GFPT2: variants seen among roughly 807,000 people sequenced by gnomAD.
The protein encoded by GFPT2 is glutamine--fructose-6-phosphate transaminase 2.
GFPT2 carries 62 observed loss-of-function variants against 85.6 expected under a neutral mutation model. The ratio of observed to expected loss-of-function variants is 0.72; its 90% CI spans 0.59 to 0.90. The LOEUF is 0.90. Ranked by LOEUF, GFPT2 falls within the 40% of genes least tolerant of loss-of-function variation. GFPT2 has a pLI of 0.00. For synonymous variants in GFPT2, 368 were observed against 344.5 expected (o/e 1.07, Z -0.75); for missense variants, 788 against 893.4 (o/e 0.88, Z 1.50).
intron 9 of GFPT2, among the ~76,000 whole-genome samples, chr5:180,321,863 A>T (rs1764129079): frequency 6.6e-6 from 1 of 152,168 alleles, no homozygotes; most frequent in Admixed American, 6.5e-5. Flanking sequence ...GGCTCACTGC[A>T]AGCTCCGCCT....
intron 1 of GFPT2, among the ~76,000 whole-genome samples, chr5:180,339,599 T>G (rs1764471154): frequency 6.6e-6 from 1 of 152,210 alleles, no homozygotes; most frequent in Non-Finnish European, 1.5e-5. Context: ...ACTCCTTGTT[T>G]GTGATGACAG....
chr5:180,331,791 C>T (rs1164862640), intron 4 of GFPT2: 2 of 528,864 alleles, frequency 3.8e-6, no homozygotes, highest in Non-Finnish European at 6.8e-6. Flanking sequence ...GGAGGAAATA[C>T]ACATCCCTCT....
Position 180,316,823 on chromosome 5 carries a change from G to A in GFPT2, c.1093C>T (p.Arg365Ter), listed in dbSNP as rs376764676. The A allele has an allele frequency of 6.2e-7, 1 of 1,613,976 alleles. No individual in the cohort carries two copies. The highest frequency in any genetic ancestry group is 8.5e-7 in the Non-Finnish European group (1 of 1,179,900). The change falls in exon 12 of 19, where the codon CGA (arginine) becomes TGA (stop). Residue 365 changes from arginine (R) to a stop codon, truncating the protein, a stop_gained. Coordinates refer to ENST00000253778, the MANE Select transcript of GFPT2 (RefSeq NM_005110.4). LOFTEE classifies it high-confidence loss of function. ...ATCACGATGAGCCGTCGGCATCGTC[G>A]AATCTCCTTCAAGTGGTCCTTCAAG... ...GGLKDHLKEI[R>*]RCRRLIVIGC...
chr5:180,304,978 A>T lies in GFPT2; in HGVS notation c.1675-39T>A. On this transcript the variant is annotated intron_variant, in intron 16 of 18. Coordinates refer to ENST00000253778, the MANE Select transcript of GFPT2 (RefSeq NM_005110.4). ...GTGAGATCAGAGTCACACTGGGCAG[A>T]TGGGGCTGGAGCAGATCAGCCAGAG... 7 of 1,456,202 alleles carry T rather than the reference A, an allele frequency of 4.8e-6. No homozygotes were observed. In the South Asian group the frequency reaches 8.1e-5, roughly 17 times the overall value. 90.2% of individuals were successfully genotyped at this position (1,456,202 alleles called of 1,614,324 possible).
chr5:180,316,505 C>T (rs1764013192), intron 12 of GFPT2, 44 bp from the exon 13 acceptor site: 6 of 1,611,494 alleles, frequency 3.7e-6, no homozygotes, highest in African/African-American at 1.3e-5. Flanking sequence ...CAGTCACAGG[C>T]ACGACAGGGA....
At chr5:180,307,437 G>T in intron 15 of GFPT2, 134 bp from the exon 16 acceptor site, 2 of 807,628 alleles carry the variant, frequency 2.5e-6, no homozygotes, top group Non-Finnish European at 4.0e-6. Context: ...CCTCGCATTC[G>T]TTTCAAACGT....
At chr5:180,306,124 A>T (rs1256569341) in intron 16 of GFPT2, among the ~76,000 whole-genome samples, 1 of 151,976 alleles carries the variant, frequency 6.6e-6, no homozygotes, top group African/African-American at 2.4e-5. Context: ...AGCTGGGATT[A>T]CAGGCGTGCA....
intron 1 of GFPT2, chr5:180,352,249 A>AAGTCAGAG: frequency 2.7e-6 from 1 of 364,596 alleles, no homozygotes; most frequent in South Asian, 2.1e-5. Context: ...GCCCTCAGCA[A>AAGTCAGAG]AGTCAGAGAG....
chr5:180,352,812 G>A, intron 1 of GFPT2: 1 of 319,836 alleles, frequency 3.1e-6, no homozygotes, highest in Non-Finnish European at 5.9e-6. Context: ...CTCGGGATGC[G>A]CCGGCCTGCG....
intron 1 of GFPT2, among the ~76,000 whole-genome samples, chr5:180,343,988 G>A (rs951773268): frequency 1.3e-5 from 2 of 152,242 alleles, no homozygotes; most frequent in South Asian, 2.1e-4. Context: ...GCACACGTGC[G>A]AGGACAGCTG....
intron 9 of GFPT2, among the ~76,000 whole-genome samples, chr5:180,322,548 G>A (rs1418419003): frequency 1.3e-5 from 2 of 152,298 alleles, no homozygotes; most frequent in East Asian, 1.9e-4. Context: ...TGAGAATAAG[G>A]TGGACAAGGT....
Position 180,316,447 on chromosome 5 carries a change from C to A in GFPT2, c.1167G>T (p.Leu389Phe). The part of the protein sequence containing the change: ...YHAAVATRQV[L>F]EELTELPVMV... ...TCACAGGAAGCTCAGTCAGTTCCTC[C>A]AAAACTTGCCGCGTCTGAAGCCAAC... Residue 389 changes from leucine (L) to phenylalanine (F), a missense_variant, in exon 13 of 19, where the codon TTG becomes TTT. Physicochemically the swap from Leu to Phe is conservative, Grantham distance 22 (BLOSUM62 0). Transcript: ENST00000253778. The A allele has an allele frequency of 6.2e-7, 1 of 1,614,094 alleles. No homozygotes were observed. Among genetic ancestry groups the A allele is most frequent in the Non-Finnish European group, 8.5e-7 (1 of 1,179,980 alleles).
In GFPT2 at chr5:180,324,895, C is replaced by A; in HGVS notation, c.597G>T (p.Arg199=). 1 of 1,601,162 alleles carries A rather than the reference C, an allele frequency of 6.2e-7. No homozygotes were observed. The highest frequency in any genetic ancestry group is 8.6e-7 in the Non-Finnish European group (1 of 1,168,362). The change falls in exon 8 of 19, where the codon CGG becomes CGT. Residue 199 remains arginine (R), a splice_region_variant and synonymous_variant. Transcript: ENST00000253778. ...CTCCGATGAGCAGGGGGCTGCCTCT[C>A]CTGTAGGGAGAAAGAGGCATCCCAT... The part of the protein sequence containing the change: ...VHYPGEAVAT[R]RGSPLLIGVR...
At chr5:180,314,044 C>G (rs1763955459) in intron 13 of GFPT2, 80 bp from the exon 14 acceptor site, 4 of 1,391,396 alleles carry the variant, frequency 2.9e-6, no homozygotes. Flanking sequence ...TCACCGCCGG[C>G]TCTTACAGGG....
intron 1 of GFPT2, among the ~76,000 whole-genome samples, chr5:180,348,848 T>C (rs893308161): frequency 1.3e-5 from 2 of 151,742 alleles, no homozygotes; most frequent in African/African-American, 4.8e-5. Context: ...TTCAAGCAAT[T>C]CTCCTGCCTC....
chr5:180,331,160 A>C (rs1366587837), intron 5 of GFPT2, among the ~76,000 whole-genome samples: 1 of 152,236 alleles, frequency 6.6e-6, no homozygotes, highest in Non-Finnish European at 1.5e-5. Context: ...AACTTCAGAC[A>C]GTCACTGTCT....
rs1259186072 is a variant in GFPT2 at position 180,324,912 on chromosome 5, G to A, written c.597-17C>T. 1 of 1,541,446 alleles carries A rather than the reference G, an allele frequency of 6.5e-7. No homozygotes were observed. The highest frequency in any genetic ancestry group is 9.0e-7 in the Non-Finnish European group (1 of 1,114,386). Reference sequence around the variant, plus strand: ...CTGCCTCTCCTGTAGGGAGAAAGAGGCATCCCATTACCCATTGCCTTTGAC... The same window carrying A: ...CTGCCTCTCCTGTAGGGAGAAAGAGACATCCCATTACCCATTGCCTTTGAC... On this transcript the variant is annotated splice_polypyrimidine_tract_variant and intron_variant, in intron 7 of 18. Coordinates refer to ENST00000253778, the MANE Select transcript of GFPT2 (RefSeq NM_005110.4).
rs1764254645 is a variant in GFPT2 at position 180,328,727 on chromosome 5, A to G, written c.535-389T>C. 6.6e-6 allele frequency among the ~76,000 whole-genome samples: 1 copy of G among 152,162 alleles called. No homozygotes were observed. Among genetic ancestry groups the G allele is most frequent in the Non-Finnish European group, 1.5e-5 (1 of 68,014 alleles). Reference sequence around the variant, plus strand: ...GCCCCTGTGAAGTGCACTTTAGCTCAACACACGGTAGGGCCTGGGTTCAAA... The same window carrying G: ...GCCCCTGTGAAGTGCACTTTAGCTCGACACACGGTAGGGCCTGGGTTCAAA... On this transcript the variant is annotated intron_variant, in intron 6 of 18. Transcript: ENST00000253778. The surrounding 1 kb of genome is among the most constrained non-coding windows in gnomAD (Gnocchi z 5.4).
rs753298953 is a variant in GFPT2 at position 180,352,523 on chromosome 5, TCGGACGCCCGGCCCCGCTCCCCGCCC to T, written c.7+662_7+687del. Reference sequence around the variant, plus strand: ...GGACAGCGCGGGAGCGCCGCGGGAATCGGACGCCCGGCCCCGCTCCCCGCCCCGGACTCCCTCTCGTGGCTTCGGGC... The same window carrying T: ...GGACAGCGCGGGAGCGCCGCGGGAATCGGACTCCCTCTCGTGGCTTCGGGC... On this transcript the variant is annotated intron_variant, in intron 1 of 18. Transcript: ENST00000253778. The T allele has an allele frequency of 1.3e-3, 585 of 445,244 alleles. 6 individuals are homozygous for T. Among genetic ancestry groups the T allele is most frequent in the Admixed American group, 1.4e-3 (58 of 41,648 alleles). The allele number at this position is 445,244 out of a possible 1,614,324, so 27.6% of individuals were successfully genotyped here.
Sources: allele counts gnomAD v4.1 joint callset (sites outside exome capture counted in the v4.1 genomes callset), GRCh38; gene constraint gnomAD v4.1.1; non-coding constraint Gnocchi (gnomAD v3.1); transcripts MANE v1.5; gene names NCBI Gene and HGNC (gene_info 2026-07-23, HGNC 2026-07-21).